COL15A1: variants seen among roughly 807,000 people sequenced by gnomAD.
COL15A1 encodes the protein collagen alpha-1(XV) chain.
COL15A1 carries 111 observed loss-of-function variants against 165.9 expected under a neutral mutation model. That is an observed-to-expected ratio of 0.67 (90% confidence interval 0.57 to 0.78). COL15A1 has a LOEUF of 0.78. Ranked by LOEUF, COL15A1 falls within the 30% of genes least tolerant of loss-of-function variation. The pLI is 0.00. For missense variants in COL15A1, 1,745 were observed against 1,789.7 expected (o/e 0.98, Z 0.45); for synonymous variants, 659 against 674.8 (o/e 0.98, Z 0.36).
chr9:99,063,460 T>C (rs1825849563), intron 39 of COL15A1, among the ~76,000 whole-genome samples: 1 of 152,076 alleles, frequency 6.6e-6, no homozygotes, highest in African/African-American at 2.4e-5. Context: ...TTGCTAGTAT[T>C]AAATTACAGG....
chr9:99,033,473 G>A (rs1009878686), intron 16 of COL15A1, among the ~76,000 whole-genome samples: 2 of 152,052 alleles, frequency 1.3e-5, no homozygotes, highest in African/African-American at 4.8e-5. Context: ...GGGCCCAGGG[G>A]CCACATCATG....
chr9:98,944,211 A>T lies in COL15A1; in HGVS notation c.61A>T (p.Thr21Ser). ...WCLLMLLSVS[T>S]PLPAVTQTRG... ...TCTGCTGATGCTGCTCTCGGTCTCC[A>T]CGCCCCTCCCTGCTGTCACCCAGAC... The change falls in exon 2 of 42, where the codon ACG becomes TCG. Residue 21 changes from threonine to serine, a missense_variant. Coordinates refer to ENST00000375001, the MANE Select transcript of COL15A1 (RefSeq NM_001855.5). 7 of 1,613,904 alleles carry T rather than the reference A, an allele frequency of 4.3e-6. No homozygotes were observed. The highest frequency in any genetic ancestry group is 5.9e-6 in the Non-Finnish European group (7 of 1,179,942).
intron 2 of COL15A1, among the ~76,000 whole-genome samples, chr9:98,962,276 G>A (rs1434225810): frequency 1.3e-5 from 2 of 152,176 alleles, no homozygotes; most frequent in African/African-American, 4.8e-5. Context: ...TCACTCAGGG[G>A]AGCAATTCCT....
chr9:99,055,938 G>C (rs1458083753), intron 34 of COL15A1, among the ~76,000 whole-genome samples: 1 of 152,196 alleles, frequency 6.6e-6, no homozygotes, highest in Non-Finnish European at 1.5e-5. Context: ...CATCTAATTT[G>C]CTTCATGATC....
At chr9:99,031,697 T>C (rs1839215267) in intron 16 of COL15A1, among the ~76,000 whole-genome samples, 1 of 152,204 alleles carries the variant, frequency 6.6e-6, no homozygotes, top group Non-Finnish European at 1.5e-5. Context: ...GGCAGAGCCA[T>C]GGGACTTTGT....
chr9:99,062,177 T>G, intron 37 of COL15A1, 68 bp from the exon 38 acceptor site: 1 of 1,601,740 alleles, frequency 6.2e-7, no homozygotes, highest in Non-Finnish European at 8.6e-7. Flanking sequence ...AAATGCCATT[T>G]TTTTCTGTTT....
At chr9:98,968,458 C>T (rs1837991951) in intron 2 of COL15A1, among the ~76,000 whole-genome samples, 1 of 152,162 alleles carries the variant, frequency 6.6e-6, no homozygotes, top group African/African-American at 2.4e-5. Flanking sequence ...TGACTGCCAG[C>T]AATCCTTGGC....
chr9:99,044,428 G>A, intron 24 of COL15A1, 140 bp from the exon 25 acceptor site: 2 of 735,572 alleles, frequency 2.7e-6, no homozygotes, highest in South Asian at 1.7e-5. Context: ...CAAGTAGGAT[G>A]AAGGCAAGAG....
rs572561414 is a variant in COL15A1, at chr9:99,053,725, A to T, written c.2951-851A>T. ...TCGACAGATGTAGTTGCCGCTCCCT[A>T]CTGACCCCCTGTTGACACCATCATT... On this transcript the variant is annotated intron_variant, in intron 31 of 41. Coordinates refer to ENST00000375001, the MANE Select transcript of COL15A1 (RefSeq NM_001855.5). Among the ~76,000 whole-genome samples the T allele has an allele frequency of 3.9e-5, 6 of 152,228 alleles. No homozygotes were observed. In the South Asian group the frequency reaches 1.2e-3, roughly 32 times the overall value.
intron 5 of COL15A1, among the ~76,000 whole-genome samples, chr9:98,993,977 T>C (rs942451187): frequency 1.3e-5 from 2 of 152,160 alleles, no homozygotes; most frequent in Admixed American, 6.6e-5. Context: ...CTCCTTGCCT[T>C]CTTCCCCATT....
chr9:99,006,235 T>C (rs1314216272), intron 9 of COL15A1, among the ~76,000 whole-genome samples: 2 of 152,244 alleles, frequency 1.3e-5, no homozygotes, highest in African/African-American at 4.8e-5. Flanking sequence ...TCATTGTAGT[T>C]GATAATGAAC....
At chr9:98,951,639 A>T (rs1207467647) in intron 2 of COL15A1, among the ~76,000 whole-genome samples, 2 of 152,134 alleles carry the variant, frequency 1.3e-5, no homozygotes, top group African/African-American at 4.8e-5. Flanking sequence ...ATCTTAGCTC[A>T]TTGAAGCCTC....
chr9:99,055,207 A>G (rs1825699674), intron 33 of COL15A1, 55 bp from the exon 34 acceptor site: 2 of 1,586,922 alleles, frequency 1.3e-6, no homozygotes, highest in East Asian at 2.2e-5. Context: ...GGTTTATGTC[A>G]GAGACTGAGT....
rs559365905 is a variant in COL15A1 at position 99,029,473 on chromosome 9, GAAGT to G, written c.2043+3511_2043+3514del. On this transcript the variant is annotated intron_variant, in intron 16 of 41. Coordinates refer to ENST00000375001, the MANE Select transcript of COL15A1 (RefSeq NM_001855.5). ...TAAACCTTGTATAAGAAAGAAAAGA[GAAGT>G]AAGCTGCTTTTGCCTAGGATGCAGT... Among the ~76,000 whole-genome samples the G allele has an allele frequency of 1.3e-4, 20 of 152,332 alleles. No individual in the cohort carries two copies. The East Asian group carries it at 3.9e-3, about 29-fold the overall frequency.
chr9:99,066,397 C>T (rs1429643518), intron 39 of COL15A1, among the ~76,000 whole-genome samples: 1 of 152,110 alleles, frequency 6.6e-6, no homozygotes, highest in East Asian at 1.9e-4. Context: ...TCCCAGATCC[C>T]TCATGTGATC....
chr9:99,003,560 G>T lies in COL15A1; in HGVS notation c.1173G>T (p.Thr391=). 1.9e-6 allele frequency: 3 copies of T among 1,551,258 alleles called. No individual in the cohort carries two copies. The highest frequency in any genetic ancestry group is 2.6e-6 in the Non-Finnish European group (3 of 1,147,940). ...GGGGACCAACCCTCTCTATGTCCAC[G>T]GAGAACCCAGAGGAAGGGGTCACTC... The part of the protein sequence containing the change: ...PTGGPTLSMS[T]ENPEEGVTPG... The change falls in exon 8 of 42, where the codon ACG becomes ACT. Residue 391 remains threonine, a synonymous_variant. Coordinates refer to ENST00000375001, the MANE Select transcript of COL15A1 (RefSeq NM_001855.5).
intron 2 of COL15A1, among the ~76,000 whole-genome samples, chr9:98,972,224 G>C (rs1422552780): frequency 6.6e-6 from 1 of 152,144 alleles, no homozygotes. Flanking sequence ...ACTAAGCATA[G>C]GTCTGTCTGA....
intron 4 of COL15A1, 113 bp from the exon 5 acceptor site, chr9:98,989,065 C>CACAT: frequency 4.1e-6 from 3 of 739,414 alleles, no homozygotes; most frequent in Non-Finnish European, 4.8e-6. Context: ...CACACACACA[C>CACAT]GGTTTCCCTG....
chr9:98,996,419 G>C (rs1379734149), intron 5 of COL15A1, among the ~76,000 whole-genome samples: 1 of 152,212 alleles, frequency 6.6e-6, no homozygotes, highest in Non-Finnish European at 1.5e-5. Context: ...CTTTTCTCTA[G>C]TTGGTAATGT....
Sources: gnomAD v4.1 joint callset for allele counts (sites outside exome capture counted in the v4.1 genomes callset) on GRCh38, gnomAD v4.1.1 for gene constraint, MANE v1.5 for transcripts, NCBI Gene and HGNC (gene_info 2026-07-23, HGNC 2026-07-21) for gene names.